AP4S1: variants seen among roughly 807,000 people sequenced by gnomAD.
AP4S1 encodes AP-4 complex subunit sigma-1.
In AP4S1, 23 loss-of-function variants were observed where a neutral mutation model predicts 19.8. The observed-to-expected ratio is 1.16, with a 90% CI of 0.84 to 1.65. AP4S1 has a LOEUF of 1.65. Among genes scored for constraint, AP4S1 ranks in the 40% most tolerant of loss-of-function variants. The pLI, the probability that AP4S1 is intolerant of heterozygous loss-of-function variation, is 0.00. For missense variants in AP4S1, 166 were observed against 172.8 expected (o/e 0.96, Z 0.22); for synonymous variants, 46 against 54.1 (o/e 0.85, Z 0.66).
At chr14:31,082,035 A>G (rs1011922894) in intron 5 of AP4S1, among the ~76,000 whole-genome samples, 2 of 152,166 alleles carry the variant, frequency 1.3e-5, no homozygotes, top group Admixed American at 6.6e-5. Context: ...ATAAATGCCC[A>G]GAACCAGTAT....
At chr14:31,083,337 A>C in intron 5 of AP4S1, 1 of 403,334 alleles carries the variant, frequency 2.5e-6, no homozygotes, top group Non-Finnish European at 4.9e-6. Flanking sequence ...CCATCTGGCA[A>C]ATTAGGAATT....
At chr14:31,073,479 G>C (rs1222897532) in intron 4 of AP4S1, among the ~76,000 whole-genome samples, 4 of 147,518 alleles carry the variant, frequency 2.7e-5, no homozygotes, top group Non-Finnish European at 6.0e-5. Context: ...AACAGAGCGA[G>C]ACTCCGTCTC....
At chr14:31,078,391 C>T (rs919605244) in intron 4 of AP4S1, among the ~76,000 whole-genome samples, 3 of 152,130 alleles carry the variant, frequency 2.0e-5, no homozygotes, top group Non-Finnish European at 4.4e-5. Context: ...TTTAATTTTA[C>T]TTAATTTAAA....
intron 1 of AP4S1, among the ~76,000 whole-genome samples, chr14:31,045,790 A>G (rs55788541): frequency 0.12 from 17,541 of 151,876 alleles, 1,142 homozygotes; most frequent in South Asian, 0.25. Flanking sequence ...TTTGTTATTC[A>G]CACTGAGCCC....
At chr14:31,079,340 C>T (rs555690828) in intron 4 of AP4S1, among the ~76,000 whole-genome samples, 2 of 152,094 alleles carry the variant, frequency 1.3e-5, no homozygotes, top group East Asian at 1.9e-4. Context: ...ATGGAATGTA[C>T]AACAGTAGAG....
In AP4S1 at chr14:31,079,645, C is replaced by G. The variant is rs113904138; in HGVS notation, c.295-928C>G. ...TTCAAGACCAGTCTGGGCAACATGGCAAAACCCCCGTCTCTACAAAAAATA... is the reference window on the plus strand; with the variant it reads ...TTCAAGACCAGTCTGGGCAACATGGGAAAACCCCCGTCTCTACAAAAAATA... On this transcript the variant is annotated intron_variant, in intron 4 of 5. Transcript: ENST00000542754. Among the ~76,000 whole-genome samples the G allele has an allele frequency of 5.9e-3, 897 of 152,038 alleles. 7 individuals are homozygous for G. Among genetic ancestry groups the G allele is most frequent in the African/African-American group, 0.02 (840 of 41,474 alleles).
intron 1 of AP4S1, among the ~76,000 whole-genome samples, chr14:31,044,990 C>T (rs1300646334): frequency 1.3e-5 from 2 of 151,870 alleles, no homozygotes; most frequent in Non-Finnish European, 2.9e-5. Flanking sequence ...CAACCTCCAC[C>T]TCCCGGGTTC....
chr14:31,087,740 T>C (rs1887959309), intron 5 of AP4S1, among the ~76,000 whole-genome samples: 1 of 152,192 alleles, frequency 6.6e-6, no homozygotes, highest in Non-Finnish European at 1.5e-5. Context: ...GTCACCATGG[T>C]GCCTTGGTGT....
chr14:31,034,970 A>T (rs538591708), intron 1 of AP4S1, among the ~76,000 whole-genome samples: 1 of 152,142 alleles, frequency 6.6e-6, no homozygotes, highest in East Asian at 1.9e-4. Context: ...ATGGAAAAAC[A>T]ACAACAAAAA....
At position 31,066,182 on chromosome 14, in the gene AP4S1, G is replaced by A. The variant is rs758952255; in HGVS notation, c.-15G>A. On this transcript the variant is annotated 5_prime_UTR_variant, in exon 2 of 6. Transcript: ENST00000542754. ...TTTGAACTGTATTTGGAAAAATACT[G>A]GCCAGGAAAGAAAAATGATAAAATT... The A allele has an allele frequency of 1.2e-6, 2 of 1,613,184 alleles. No homozygotes were observed. Among genetic ancestry groups the A allele is most frequent in the South Asian group, 2.2e-5 (2 of 91,042 alleles).
At chr14:31,043,265 A>G (rs1594641104) in intron 1 of AP4S1, among the ~76,000 whole-genome samples, 1 of 152,178 alleles carries the variant, frequency 6.6e-6, no homozygotes, top group East Asian at 1.9e-4. Context: ...CTGTATGTTT[A>G]ATGCCAAATT....
chr14:31,072,603 C>G (rs919748558), intron 3 of AP4S1, among the ~76,000 whole-genome samples: 1 of 151,392 alleles, frequency 6.6e-6, no homozygotes, highest in Non-Finnish European at 1.5e-5. Context: ...ACTCCTGGCC[C>G]CAAGCCATCC....
At chr14:31,077,645 G>A (rs979325406) in intron 4 of AP4S1, among the ~76,000 whole-genome samples, 4 of 152,124 alleles carry the variant, frequency 2.6e-5, no homozygotes, top group Non-Finnish European at 4.4e-5. Context: ...GGTGATTCCA[G>A]GTGATTCTGG....
intron 1 of AP4S1, among the ~76,000 whole-genome samples, chr14:31,049,906 T>C (rs1349510911): frequency 6.6e-6 from 1 of 151,902 alleles, no homozygotes; most frequent in African/African-American, 2.4e-5. Flanking sequence ...CGGTGCCCTC[T>C]TAACTTTATT....
chr14:31,080,718 C>A, intron 5 of AP4S1, 134 bp downstream of exon 5: 1 of 1,282,666 alleles, frequency 7.8e-7, no homozygotes, highest in Non-Finnish European at 1.1e-6. Context: ...GACAAGACAG[C>A]CAGAGGTGTG....
intron 1 of AP4S1, among the ~76,000 whole-genome samples, chr14:31,043,953 A>G (rs1194381613): frequency 6.6e-6 from 1 of 152,246 alleles, no homozygotes; most frequent in Non-Finnish European, 1.5e-5. Context: ...TTTGAAAAAC[A>G]GCACATATTT....
At chr14:31,074,499 C>T (rs765408729) in intron 4 of AP4S1, among the ~76,000 whole-genome samples, 25 of 152,134 alleles carry the variant, frequency 1.6e-4, no homozygotes, top group Admixed American at 5.2e-4. Context: ...CTGGCTATCA[C>T]GGTGAAACCT....
chr14:31,026,335 A>C, intron 1 of AP4S1: 1 of 725,678 alleles, frequency 1.4e-6, no homozygotes, highest in Non-Finnish European at 1.9e-6. Context: ...CGTGGGTCAG[A>C]GCAGGGAGCT....
chr14:31,082,302 A>G (rs1275137738), intron 5 of AP4S1, among the ~76,000 whole-genome samples: 2 of 152,184 alleles, frequency 1.3e-5, no homozygotes, highest in African/African-American at 4.8e-5. Context: ...CACGTTGTAT[A>G]TTATGGTGTA....
Sources: gnomAD v4.1 joint callset for allele counts (sites outside exome capture counted in the v4.1 genomes callset) on GRCh38, gnomAD v4.1.1 for gene constraint, MANE v1.5 for transcripts, NCBI Gene and HGNC (gene_info 2026-07-23, HGNC 2026-07-21) for gene names.